PLCG2: variants seen among roughly 807,000 people sequenced by gnomAD.
PLCG2 encodes the protein phospholipase C gamma 2, also known as 1-phosphatidylinositol 4,5-bisphosphate phosphodiesterase gamma-2.
PLCG2 carries 69 observed loss-of-function variants against 175.6 expected under a neutral mutation model. That is an observed-to-expected ratio of 0.39 (90% CI 0.32 to 0.48). The LOEUF (loss-of-function observed/expected upper bound fraction) is 0.48, where lower values mean the gene tolerates loss of function less well. PLCG2 is among the 20% of genes least tolerant of loss of function. The pLI is 0.91. For missense variants in PLCG2, 1,798 were observed against 1,650.9 expected (o/e 1.09, Z -1.54); for synonymous variants, 827 against 624.0 (o/e 1.33, Z -4.85).
intron 1 of PLCG2, among the ~76,000 whole-genome samples, chr16:81,740,967 G>A (rs1196057979): frequency 1.3e-5 from 2 of 152,204 alleles, no homozygotes; most frequent in Admixed American, 6.5e-5. Flanking sequence ...GAATCTCCCA[G>A]TTTGCTTAAG....
intron 2 of PLCG2, among the ~76,000 whole-genome samples, chr16:81,810,876 A>T (rs574137431): frequency 1.3e-5 from 2 of 152,184 alleles, no homozygotes; most frequent in African/African-American, 4.8e-5. Flanking sequence ...ATAATTTTGT[A>T]CATGACTATA....
chr16:81,802,726 C>T (rs893799966), intron 2 of PLCG2, among the ~76,000 whole-genome samples: 2 of 152,116 alleles, frequency 1.3e-5, no homozygotes, highest in Non-Finnish European at 2.9e-5. Flanking sequence ...CATGCGCCAC[C>T]ACGCCCAGCT....
intron 24 of PLCG2, 98 bp from the exon 25 acceptor site, chr16:81,931,399 G>A: frequency 8.5e-7 from 1 of 1,175,488 alleles, no homozygotes. Flanking sequence ...TAGCAGTGGT[G>A]GTTGGTCCAT....
chr16:81,808,751 C>T (rs560513343), intron 2 of PLCG2, among the ~76,000 whole-genome samples: 117 of 152,190 alleles, frequency 7.7e-4, no homozygotes, highest in Non-Finnish European at 3.1e-4. Context: ...CCTCTGCCTC[C>T]CAAAGTGCTG....
intron 5 of PLCG2, among the ~76,000 whole-genome samples, chr16:81,864,080 A>C (rs1447902863): frequency 6.6e-6 from 1 of 152,184 alleles, no homozygotes; most frequent in Non-Finnish European, 1.5e-5. Context: ...GTTGAAAATT[A>C]GGGCTGTCTA....
chr16:81,897,876 A>G (rs1349416120), intron 13 of PLCG2: 1 of 455,840 alleles, frequency 2.2e-6, no homozygotes, highest in East Asian at 7.0e-5. Context: ...TTTACTGCAG[A>G]TGTCCCTTGA....
rs566806825 is a variant in PLCG2 at position 81,943,312 on chromosome 16, A to G, written c.3482-2863A>G. Among the ~76,000 whole-genome samples the G allele has an allele frequency of 2.0e-5, 3 of 152,268 alleles. No individual in the cohort carries two copies. In the East Asian group the frequency reaches 5.8e-4, roughly 29 times the overall value. ...TTTGTTTCTGGGGAGGCCTCAGGAA[A>G]TTTACAATCCTGGTAGAAGGGGAAC... On this transcript the variant is annotated intron_variant, in intron 30 of 32. Transcript: ENST00000564138.
chr16:81,794,326 T>G (rs926870771), intron 2 of PLCG2, among the ~76,000 whole-genome samples: 2 of 152,222 alleles, frequency 1.3e-5, no homozygotes, highest in Admixed American at 1.3e-4. Context: ...GTTTTTGAAA[T>G]AAATGTGAAA....
chr16:81,756,209 G>A (rs1298264596), intron 2 of PLCG2, among the ~76,000 whole-genome samples: 2 of 152,222 alleles, frequency 1.3e-5, no homozygotes, highest in Admixed American at 6.5e-5. Flanking sequence ...CCAATGGATG[G>A]GCCACATTTC....
At chr16:81,899,747 C>G (rs1043452087) in intron 13 of PLCG2, among the ~76,000 whole-genome samples, 1 of 152,196 alleles carries the variant, frequency 6.6e-6, no homozygotes, top group African/African-American at 2.4e-5. Flanking sequence ...GGAGAAAACA[C>G]CTGTGTCAGA....
intron 1 of PLCG2, among the ~76,000 whole-genome samples, chr16:81,753,453 C>G (rs1343854679): frequency 7.0e-6 from 1 of 142,324 alleles, no homozygotes; most frequent in Admixed American, 7.6e-5. Context: ...GAGTCTCACT[C>G]TGTTGCCCAA....
intron 7 of PLCG2, among the ~76,000 whole-genome samples, chr16:81,871,324 T>C (rs1907503841): frequency 6.6e-6 from 1 of 152,158 alleles, no homozygotes; most frequent in East Asian, 1.9e-4. Context: ...TATATATATG[T>C]TTCTTCTTTT....
intron 9 of PLCG2, among the ~76,000 whole-genome samples, chr16:81,885,718 G>C (rs933597123): frequency 2.0e-5 from 3 of 152,120 alleles, no homozygotes; most frequent in Admixed American, 6.6e-5. Flanking sequence ...CCTGCATTTG[G>C]ATTTCATTGA....
intron 25 of PLCG2, among the ~76,000 whole-genome samples, chr16:81,933,236 T>TA (rs1439735988): frequency 6.6e-6 from 1 of 152,038 alleles, no homozygotes; most frequent in Non-Finnish European, 1.5e-5. Context: ...ATCTGAGGGG[T>TA]AAAAAAACTG....
intron 9 of PLCG2, 42 bp from the exon 10 acceptor site, chr16:81,889,130 G>A (rs1424492778): frequency 2.5e-6 from 3 of 1,196,216 alleles, no homozygotes; most frequent in Non-Finnish European, 3.7e-6. Context: ...AATTTTATCA[G>A]TTCTCACTTT....
intron 19 of PLCG2, among the ~76,000 whole-genome samples, chr16:81,916,242 G>A (rs1041348728): frequency 8.0e-5 from 12 of 149,810 alleles, no homozygotes; most frequent in Admixed American, 4.0e-4. Context: ...TGACGAAATC[G>A]CTTAAAGCAA....
At chr16:81,879,689 G>A (rs1283012504) in intron 7 of PLCG2, among the ~76,000 whole-genome samples, 3 of 152,138 alleles carry the variant, frequency 2.0e-5, no homozygotes, top group Admixed American at 1.3e-4. Flanking sequence ...TTATCCAATC[G>A]CAGTGTCATT....
At chr16:81,772,094 T>A (rs1423546148) in intron 2 of PLCG2, among the ~76,000 whole-genome samples, 1 of 151,934 alleles carries the variant, frequency 6.6e-6, no homozygotes, top group East Asian at 1.9e-4. Flanking sequence ...GGAAATAGGG[T>A]CTTTATGGAG....
upstream of PLCG2, among the ~76,000 whole-genome samples, chr16:81,776,523 C>T (rs777861685): frequency 2.0e-5 from 3 of 152,150 alleles, no homozygotes; most frequent in Non-Finnish European, 4.4e-5. Flanking sequence ...CATTAGAGTC[C>T]TCCCAGAACA....
Sources: allele counts gnomAD v4.1 joint callset (sites outside exome capture counted in the v4.1 genomes callset), GRCh38; gene constraint gnomAD v4.1.1; transcripts MANE v1.5; gene names NCBI Gene and HGNC (gene_info 2026-07-23, HGNC 2026-07-21).